RALGAPA1: variants seen among roughly 807,000 people sequenced by gnomAD.
RALGAPA1 encodes Ral GTPase activating protein catalytic subunit alpha 1.
Under a neutral mutation model 269.6 loss-of-function variants are expected in RALGAPA1, and 52 were observed. The ratio of observed to expected loss-of-function variants is 0.19; its 90% CI spans 0.15 to 0.24. The LOEUF is 0.24. Ranked by LOEUF, RALGAPA1 falls within the 10% of genes least tolerant of loss-of-function variation. RALGAPA1 has a pLI of 1.00. For missense variants in RALGAPA1, 1,917 were observed against 3,013.9 expected (o/e 0.64, Z 8.52); for synonymous variants, 817 against 1,008.3 (o/e 0.81, Z 3.60).
At chr14:35,673,078 C>A (rs1424505975) in intron 24 of RALGAPA1, 56 bp from the exon 25 acceptor site, 5 of 1,348,432 alleles carry the variant, frequency 3.7e-6, no homozygotes, top group African/African-American at 1.5e-5. Context: ...TGCTAAATAA[C>A]TTAAGCAACT....
chr14:35,632,128 G>A (rs1246665337), intron 33 of RALGAPA1, among the ~76,000 whole-genome samples: 1 of 151,938 alleles, frequency 6.6e-6, no homozygotes, highest in Non-Finnish European at 1.5e-5. Context: ...GTATATAAAA[G>A]GATAAAAATC....
intron 16 of RALGAPA1, among the ~76,000 whole-genome samples, chr14:35,701,823 A>G (rs1480981982): frequency 6.6e-6 from 1 of 151,200 alleles, no homozygotes; most frequent in East Asian, 1.9e-4. Flanking sequence ...TTTTTTCTCT[A>G]TTTTTAGTGG....
chr14:35,655,820 C>G lies in RALGAPA1; in HGVS notation c.5483G>C (p.Cys1828Ser), dbSNP rs753238030. The G allele has an allele frequency of 1.2e-4, 186 of 1,612,890 alleles. 3 individuals carry two copies. In the South Asian group the frequency reaches 2.0e-3, roughly 18 times the overall value. ...PQIKEALNVI[C>S]VSLKFTNKTV... ...AGTTTTCTTTACCTTTAAGGAAACA[C>G]AAATCACATTCAGAGCTTCCTTAAT... The change falls in exon 29 of 42, where the codon TGT becomes TCT. Residue 1828 changes from cysteine to serine, a missense_variant. Transcript: ENST00000680220.
At chr14:35,646,697 T>A (rs1412096619) in intron 31 of RALGAPA1, among the ~76,000 whole-genome samples, 1 of 152,210 alleles carries the variant, frequency 6.6e-6, no homozygotes, top group Non-Finnish European at 1.5e-5. Context: ...ACTAGTGAAA[T>A]ATCTATAGAT....
At chr14:35,802,256 T>C (rs1214594183) in intron 1 of RALGAPA1, among the ~76,000 whole-genome samples, 10 of 152,038 alleles carry the variant, frequency 6.6e-5, no homozygotes, top group Non-Finnish European at 1.2e-4. Context: ...TGCAGTGAGC[T>C]GAGATCATGC....
intron 1 of RALGAPA1, among the ~76,000 whole-genome samples, chr14:35,781,037 A>C (rs1350443364): frequency 6.6e-6 from 1 of 152,180 alleles, no homozygotes; most frequent in African/African-American, 2.4e-5. Context: ...ACATAAAAGA[A>C]ATAGAGACCC....
chr14:35,614,010 AT>A (rs1275517295), intron 35 of RALGAPA1, among the ~76,000 whole-genome samples: 1 of 152,244 alleles, frequency 6.6e-6, no homozygotes, highest in Non-Finnish European at 1.5e-5. Context: ...TACTAAAAAA[AT>A]CTCACAAACT....
At chr14:35,667,523 CACTT>C (rs1448914971) in intron 26 of RALGAPA1, among the ~76,000 whole-genome samples, 2 of 152,134 alleles carry the variant, frequency 1.3e-5, no homozygotes, top group African/African-American at 4.8e-5. Flanking sequence ...ATGATTTTGC[CACTT>C]ACTTGTGATC....
intron 24 of RALGAPA1, 24 bp from the exon 25 acceptor site, chr14:35,673,046 A>G (rs1450346066): frequency 1.4e-6 from 2 of 1,396,436 alleles, no homozygotes; most frequent in Non-Finnish European, 1.9e-6. Flanking sequence ...ATCAGTTTTA[A>G]TGTTCAAAAA....
At chr14:35,680,720 T>C (rs2140341272) in intron 21 of RALGAPA1, among the ~76,000 whole-genome samples, 1 of 152,048 alleles carries the variant, frequency 6.6e-6, no homozygotes, top group African/African-American at 2.4e-5. Context: ...GTTCACACTA[T>C]TCTCCTGCCT....
intron 41 of RALGAPA1, among the ~76,000 whole-genome samples, chr14:35,544,342 T>C (rs1382585810): frequency 1.3e-5 from 2 of 152,174 alleles, no homozygotes. Context: ...GATGAAAATA[T>C]TTAGACTAAA....
At chr14:35,678,347 C>T (rs565485293) in intron 21 of RALGAPA1, among the ~76,000 whole-genome samples, 2 of 152,192 alleles carry the variant, frequency 1.3e-5, no homozygotes, top group South Asian at 4.2e-4. Flanking sequence ...ATGACAGGAG[C>T]CATTAGTGAA....
intron 10 of RALGAPA1, among the ~76,000 whole-genome samples, chr14:35,743,362 T>C (rs1023561733): frequency 6.6e-6 from 1 of 152,212 alleles, no homozygotes; most frequent in African/African-American, 2.4e-5. Flanking sequence ...AGATAGGCAC[T>C]GACTTCAAGT....
At chr14:35,725,684 C>A (rs1056645840) in intron 13 of RALGAPA1, among the ~76,000 whole-genome samples, 17 of 151,118 alleles carry the variant, frequency 1.1e-4, no homozygotes, top group African/African-American at 2.7e-4. Context: ...CTGGGCAACA[C>A]AGCAAGCCTT....
chr14:35,630,216 A>G (rs1282278962), intron 33 of RALGAPA1, among the ~76,000 whole-genome samples: 1 of 152,226 alleles, frequency 6.6e-6, no homozygotes, highest in Non-Finnish European at 1.5e-5. Flanking sequence ...GCTGAGTATC[A>G]AAATTTTAAT....
At chr14:35,633,555 G>C (rs982401476) in intron 33 of RALGAPA1, among the ~76,000 whole-genome samples, 3 of 152,100 alleles carry the variant, frequency 2.0e-5, no homozygotes, top group South Asian at 2.1e-4. Context: ...GGTTTTGTGA[G>C]CCACGCAATC....
In RALGAPA1 at chr14:35,549,096, G is replaced by A. The variant is rs772777708; in HGVS notation, c.7621+14C>T. 5.0e-6 allele frequency: 8 copies of A among 1,608,122 alleles called. No homozygotes were observed. Among genetic ancestry groups the A allele is most frequent in the African/African-American group, 1.3e-5 (1 of 74,748 alleles). ...TTCCAATAACAAGTAACTAATACTC[G>A]CTTTTAATCTTACCGGCATCAGATG... On this transcript the variant is annotated intron_variant, in intron 40 of 41. Coordinates refer to ENST00000680220, the MANE Select transcript of RALGAPA1 (RefSeq NM_001346249.2).
At chr14:35,731,399 T>C (rs569983888) in intron 12 of RALGAPA1, among the ~76,000 whole-genome samples, 10 of 152,226 alleles carry the variant, frequency 6.6e-5, no homozygotes, top group Non-Finnish European at 1.3e-4. Context: ...CTGATTTACC[T>C]GAAAAAGAAT....
At chr14:35,559,030 G>A (rs1019490189) in intron 39 of RALGAPA1, among the ~76,000 whole-genome samples, 4 of 152,112 alleles carry the variant, frequency 2.6e-5, no homozygotes, top group African/African-American at 9.7e-5. Context: ...CATACCTTAT[G>A]TGAAATGCAA....
Sources: allele counts gnomAD v4.1 joint callset (sites outside exome capture counted in the v4.1 genomes callset), GRCh38; gene constraint gnomAD v4.1.1; transcripts MANE v1.5; gene names NCBI Gene and HGNC (gene_info 2026-07-23, HGNC 2026-07-21).